The following CEP128 variants were observed in gnomAD, a reference collection of about 807,000 sequenced individuals.
CEP128 encodes centrosomal protein 128.
A neutral mutation model predicts 156.7 loss-of-function variants in CEP128; 132 were observed. The observed-to-expected ratio is 0.84, with a 90% CI of 0.73 to 0.97. The LOEUF (loss-of-function observed/expected upper bound fraction) is 0.97, where lower values mean the gene tolerates loss of function less well. CEP128 is among the 50% of genes least tolerant of loss of function. The probability of loss-of-function intolerance (pLI) is 0.00; values close to 1 mark genes in which losing one functional copy is unlikely to be tolerated. For synonymous variants in CEP128, 469 were observed against 448.9 expected (o/e 1.04, Z -0.57); for missense variants, 1,252 against 1,281.9 (o/e 0.98, Z 0.36).
chr14:80,826,781 T>C (rs1241619319), intron 13 of CEP128, among the ~76,000 whole-genome samples: 2 of 151,186 alleles, frequency 1.3e-5, no homozygotes, highest in Non-Finnish European at 3.0e-5. Flanking sequence ...TTCTTTGAAG[T>C]TCTTTCTTGA....
intron 19 of CEP128, among the ~76,000 whole-genome samples, chr14:80,657,950 A>T (rs1895244413): frequency 6.6e-6 from 1 of 152,178 alleles, no homozygotes; most frequent in Non-Finnish European, 1.5e-5. Flanking sequence ...CTCTTACGTA[A>T]ACCAAGTTTA....
intron 19 of CEP128, among the ~76,000 whole-genome samples, chr14:80,682,532 T>TA: frequency 6.6e-6 from 1 of 152,216 alleles, no homozygotes; most frequent in East Asian, 1.9e-4. Flanking sequence ...TTCGAGGGAA[T>TA]AATTCAAGAA....
chr14:80,899,529 T>C (rs886521708), intron 7 of CEP128, among the ~76,000 whole-genome samples: 2 of 152,336 alleles, frequency 1.3e-5, no homozygotes, highest in South Asian at 2.1e-4. Context: ...AGCTAAAGTA[T>C]TGGATTCTAC....
At chr14:80,948,249 G>A (rs1886388344) in intron 2 of CEP128, among the ~76,000 whole-genome samples, 1 of 152,102 alleles carries the variant, frequency 6.6e-6, no homozygotes, top group Non-Finnish European at 1.5e-5. Flanking sequence ...TTTAAGAAGA[G>A]TCAAGATAAA....
chr14:80,689,895 T>G (rs1160899926), intron 19 of CEP128, among the ~76,000 whole-genome samples: 1 of 152,088 alleles, frequency 6.6e-6, no homozygotes, highest in Admixed American at 6.6e-5. Context: ...ATTCACAAAC[T>G]AGTATCTCTT....
chr14:80,723,434 A>G (rs1897900056), intron 19 of CEP128, among the ~76,000 whole-genome samples: 1 of 152,242 alleles, frequency 6.6e-6, no homozygotes, highest in South Asian at 2.1e-4. Flanking sequence ...TGTTTTAATC[A>G]ATGCATAAAT....
chr14:80,504,590 T>A (rs975693191), intron 24 of CEP128, among the ~76,000 whole-genome samples: 3 of 152,244 alleles, frequency 2.0e-5, no homozygotes, highest in African/African-American at 7.2e-5. Context: ...TAATTTGAAC[T>A]TTATTATAAA....
intron 19 of CEP128, among the ~76,000 whole-genome samples, chr14:80,613,668 A>G (rs910660518): frequency 4.6e-5 from 7 of 152,128 alleles, no homozygotes; most frequent in Admixed American, 2.6e-4. Context: ...ATGACGCTTT[A>G]TAAGAGATGG....
intron 20 of CEP128, among the ~76,000 whole-genome samples, chr14:80,561,952 G>C (rs1890699696): frequency 6.8e-6 from 1 of 146,324 alleles, no homozygotes; most frequent in African/African-American, 2.6e-5. Flanking sequence ...TTTTGGGACA[G>C]AGTCTCACTC....
At chr14:80,494,227 C>T (rs945932173), downstream of CEP128, among the ~76,000 whole-genome samples, 1 of 152,098 alleles carries the variant, frequency 6.6e-6, no homozygotes, top group African/African-American at 2.4e-5. Flanking sequence ...AGCTAAGGTT[C>T]ATAATTTAGT....
chr14:80,611,758 T>C (rs1473835420), intron 19 of CEP128, among the ~76,000 whole-genome samples: 2 of 152,188 alleles, frequency 1.3e-5, no homozygotes, highest in African/African-American at 2.4e-5. Context: ...CAGTAAATAC[T>C]GTTCTTAAAA....
intron 19 of CEP128, among the ~76,000 whole-genome samples, chr14:80,663,288 C>T (rs1314533402): frequency 6.6e-6 from 1 of 152,132 alleles, no homozygotes; most frequent in Non-Finnish European, 1.5e-5. Flanking sequence ...TTAAAACTAG[C>T]ATGACCTCTC....
intron 19 of CEP128, among the ~76,000 whole-genome samples, chr14:80,597,128 G>A (rs1031658071): frequency 2.0e-5 from 3 of 151,916 alleles, no homozygotes; most frequent in Non-Finnish European, 4.4e-5. Flanking sequence ...ATGAAACAAT[G>A]AGCTGGTTCC....
chr14:80,641,276 A>G (rs1342202877), intron 19 of CEP128, among the ~76,000 whole-genome samples: 3 of 152,188 alleles, frequency 2.0e-5, no homozygotes, highest in East Asian at 1.9e-4. Context: ...CTGCCCATGT[A>G]TATCCCTGCT....
At chr14:80,561,913 T>TATATATATATATATATATATA (rs1566781226) in intron 20 of CEP128, among the ~76,000 whole-genome samples, 17 of 148,384 alleles carry the variant, frequency 1.1e-4, no homozygotes, top group African/African-American at 2.3e-4. Flanking sequence ...TATATATATA[T>TATATATATATATATATATATA]TTGTTTTGTT....
At chr14:80,821,072 A>T (rs984337994) in intron 13 of CEP128, among the ~76,000 whole-genome samples, 1 of 152,202 alleles carries the variant, frequency 6.6e-6, no homozygotes, top group Non-Finnish European at 1.5e-5. Flanking sequence ...GTGCATATGA[A>T]TAAGTTAGCT....
intron 19 of CEP128, among the ~76,000 whole-genome samples, chr14:80,733,476 A>G (rs562690770): frequency 1.3e-5 from 2 of 152,194 alleles, no homozygotes; most frequent in African/African-American, 4.8e-5. Flanking sequence ...ACAGAAAGAG[A>G]GGAATGAATA....
At chr14:80,698,830 ATT>A (rs1188230852) in intron 19 of CEP128, among the ~76,000 whole-genome samples, 3 of 152,332 alleles carry the variant, frequency 2.0e-5, no homozygotes, top group Admixed American at 1.3e-4. Context: ...GCATTATACA[ATT>A]TTTCATTTTC....
chr14:80,879,319 C>G (rs1202653999), intron 8 of CEP128, among the ~76,000 whole-genome samples: 1 of 151,984 alleles, frequency 6.6e-6, no homozygotes, highest in Non-Finnish European at 1.5e-5. Flanking sequence ...ACCAAAGGAC[C>G]ACAATAATTA....
Sources: gnomAD v4.1 joint callset for allele counts (sites outside exome capture counted in the v4.1 genomes callset) on GRCh38, gnomAD v4.1.1 for gene constraint, MANE v1.5 for transcripts, NCBI Gene and HGNC (gene_info 2026-07-23, HGNC 2026-07-21) for gene names.